IL1RAPL2: variants seen among roughly 807,000 people sequenced by gnomAD.
IL1RAPL2 encodes the protein X-linked interleukin-1 receptor accessory protein-like 2.
IL1RAPL2 carries 3 observed loss-of-function variants against 44.1 expected under a neutral mutation model. That is an observed-to-expected ratio of 0.07 (90% CI 0.03 to 0.18). IL1RAPL2 has a LOEUF of 0.18. Ranked by LOEUF, IL1RAPL2 falls within the 10% of genes least tolerant of loss-of-function variation. The probability of loss-of-function intolerance (pLI) is 1.00; values close to 1 mark genes in which losing one functional copy is unlikely to be tolerated. For missense variants in IL1RAPL2, 391 were observed against 496.4 expected (o/e 0.79, Z 2.02); for synonymous variants, 181 against 178.8 (o/e 1.01, Z -0.10).
chrX:105,277,598 T>A (rs1407242082), intron 5 of IL1RAPL2, among the ~76,000 whole-genome samples: 1 of 111,739 alleles, frequency 8.9e-6, no homozygotes, highest in Admixed American at 9.5e-5. Context: ...AAAAAATTCA[T>A]GACTGATAAA....
At chrX:105,025,541 T>C (rs2031356094) in intron 2 of IL1RAPL2, among the ~76,000 whole-genome samples, 1 of 111,521 alleles carries the variant, frequency 9.0e-6, no homozygotes, top group Admixed American at 9.6e-5. Context: ...AATATTGCAA[T>C]ATACTCCCTT....
At chrX:105,424,673 C>A (rs751534990) in intron 5 of IL1RAPL2, among the ~76,000 whole-genome samples, 2 of 109,271 alleles carry the variant, frequency 1.8e-5, no homozygotes, top group Non-Finnish European at 3.8e-5. Context: ...TCGCCTGAAC[C>A]CGGGAGGAGG....
intron 6 of IL1RAPL2, among the ~76,000 whole-genome samples, chrX:105,669,924 T>G (rs1233412094): frequency 1.9e-5 from 2 of 106,278 alleles, no homozygotes; most frequent in Non-Finnish European, 3.9e-5. Flanking sequence ...TGAATTATTT[T>G]TATTATATAA....
At chrX:105,628,803 C>T (rs996970001) in intron 6 of IL1RAPL2, among the ~76,000 whole-genome samples, 5 of 111,080 alleles carry the variant, frequency 4.5e-5, no homozygotes, top group African/African-American at 6.6e-5. Flanking sequence ...ATTAGTTGGG[C>T]GTGGTGGCAC....
intron 2 of IL1RAPL2, among the ~76,000 whole-genome samples, chrX:105,103,209 T>C (rs1227827062): frequency 8.9e-6 from 1 of 111,883 alleles, no homozygotes; most frequent in East Asian, 2.8e-4. Context: ...AGTCTGCTTC[T>C]TCATTATAAC....
At chrX:104,575,114 T>G (rs1928219875) in intron 1 of IL1RAPL2, among the ~76,000 whole-genome samples, 1 of 111,065 alleles carries the variant, frequency 9.0e-6, no homozygotes, top group Admixed American at 9.6e-5. Context: ...AAGTGTTAAA[T>G]GTAAAAAAAG....
Position 105,652,052 on chromosome X carries a change from G to A in IL1RAPL2, c.773-65315G>A, listed in dbSNP as rs112904189. Among the ~76,000 whole-genome samples, 257 of 111,473 alleles carry A rather than the reference G, an allele frequency of 2.3e-3. 1 individual carries two copies. The highest frequency in any genetic ancestry group is 8.1e-3 in the African/African-American group (250 of 30,749). On this transcript the variant is annotated intron_variant, in intron 6 of 10. Coordinates refer to ENST00000372582, the MANE Select transcript of IL1RAPL2 (RefSeq NM_017416.2). ...AACCATTTGGTTCAGTAATTTTAAG[G>A]CAGGGGGTAGGTGGCTTCAGCTAGA...
At chrX:104,894,189 C>T (rs1021871209) in intron 2 of IL1RAPL2, among the ~76,000 whole-genome samples, 11 of 111,594 alleles carry the variant, frequency 9.9e-5, no homozygotes, top group African/African-American at 3.3e-4. Flanking sequence ...GTGGGTAACC[C>T]GACCTTTCTC....
chrX:104,716,241 A>G (rs781557562), intron 2 of IL1RAPL2, among the ~76,000 whole-genome samples: 2 of 111,899 alleles, frequency 1.8e-5, no homozygotes, highest in Non-Finnish European at 3.8e-5. Flanking sequence ...CAGAAGATTA[A>G]AACTAGATCC....
chrX:104,609,897 A>T (rs985469551), intron 1 of IL1RAPL2, among the ~76,000 whole-genome samples: 7 of 111,482 alleles, frequency 6.3e-5, no homozygotes, highest in African/African-American at 1.6e-4. Flanking sequence ...CCCTTGCTGG[A>T]GAGGAGTTGT....
chrX:105,233,127 C>CA (rs2034087094), intron 3 of IL1RAPL2, among the ~76,000 whole-genome samples: 1 of 111,300 alleles, frequency 9.0e-6, no homozygotes, highest in East Asian at 2.8e-4. Context: ...ACTAAAAATA[C>CA]AAAAAAATTA....
At chrX:105,598,561 T>C (rs774436236) in intron 6 of IL1RAPL2, among the ~76,000 whole-genome samples, 5 of 111,936 alleles carry the variant, frequency 4.5e-5, no homozygotes, top group African/African-American at 1.6e-4. Flanking sequence ...TTTATACACC[T>C]TAACTTTACA....
chrX:105,441,860 G>A lies in IL1RAPL2; in HGVS notation c.698-42453G>A, dbSNP rs766706236. 4.5e-5 allele frequency among the ~76,000 whole-genome samples: 5 copies of A among 110,219 alleles called. No homozygotes were observed. The South Asian group carries it at 1.9e-3, about 43-fold the overall frequency. On this transcript the variant is annotated intron_variant, in intron 5 of 10. Coordinates refer to ENST00000372582, the MANE Select transcript of IL1RAPL2 (RefSeq NM_017416.2). ...ATCCAAATCTTTGGTATGAGTTTCT[G>A]TGGGACCTTTGGATGGTACCTCATC...
chrX:104,803,735 AG>A (rs1187871083), intron 2 of IL1RAPL2, among the ~76,000 whole-genome samples: 1 of 112,679 alleles, frequency 8.9e-6, no homozygotes, highest in African/African-American at 3.2e-5. Context: ...TGATTTCATC[AG>A]GGTGCCTGAC....
At chrX:105,179,978 T>A (rs917462892) in intron 2 of IL1RAPL2, among the ~76,000 whole-genome samples, 5 of 110,284 alleles carry the variant, frequency 4.5e-5, no homozygotes, top group Non-Finnish European at 9.4e-5. Flanking sequence ...TGTCTTTTTT[T>A]TTTCTTCTCT....
rs1569385706 is a variant in IL1RAPL2 at position 105,115,745 on chromosome X, GCCTGCA to G, written c.83-79728_83-79723del. Among the ~76,000 whole-genome samples the G allele has an allele frequency of 2.7e-5, 3 of 112,991 alleles. No individual in the cohort carries two copies. In the Admixed American group the frequency reaches 2.8e-4, roughly 10 times the overall value. On this transcript the variant is annotated intron_variant, in intron 2 of 10. Transcript: ENST00000372582. ...GCCGCCTGCCAGTTATGCGCCTTGC[GCCTGCA>G]CTCCTCAGCCCTTGGGCGGTTGATG...
At chrX:104,626,992 T>A (rs1346844862) in intron 1 of IL1RAPL2, among the ~76,000 whole-genome samples, 41 of 109,077 alleles carry the variant, frequency 3.8e-4, no homozygotes. Flanking sequence ...TTAATTTTTG[T>A]ATTTTTAGTA....
rs748488698 is a variant in IL1RAPL2, at chrX:104,677,902, C to T, written c.82+18907C>T. On this transcript the variant is annotated intron_variant, in intron 2 of 10. Transcript: ENST00000372582. Reference sequence around the variant, plus strand: ...CCCTTTCTTTGACTCGGAAAGGGAACTCCCTGACCCCTTGCGCTTCCCCAG... The same window carrying T: ...CCCTTTCTTTGACTCGGAAAGGGAATTCCCTGACCCCTTGCGCTTCCCCAG... 2.7e-5 allele frequency among the ~76,000 whole-genome samples: 3 copies of T among 112,541 alleles called. 1 individual carries two copies. In the South Asian group the frequency reaches 1.1e-3, roughly 42 times the overall value.
At chrX:105,622,784 T>C (rs570649107) in intron 6 of IL1RAPL2, among the ~76,000 whole-genome samples, 1 of 111,679 alleles carries the variant, frequency 9.0e-6, no homozygotes, top group East Asian at 2.8e-4. Context: ...TCTTGAGTCA[T>C]ATTGGGTAAA....
Sources: gnomAD v4.1 joint callset for allele counts (sites outside exome capture counted in the v4.1 genomes callset) on GRCh38, gnomAD v4.1.1 for gene constraint, MANE v1.5 for transcripts, NCBI Gene and HGNC (gene_info 2026-07-23, HGNC 2026-07-21) for gene names.